The following ADGRL4 variants were observed in gnomAD, a reference collection of about 807,000 sequenced individuals.
ADGRL4 encodes EGF, latrophilin and seven transmembrane domain containing 1.
A neutral mutation model predicts 74.8 loss-of-function variants in ADGRL4; 90 were observed. The ratio of observed to expected loss-of-function variants is 1.20; its 90% CI spans 1.02 to 1.43. ADGRL4 has a LOEUF of 1.43. Among genes scored for constraint, ADGRL4 ranks in the 40% most tolerant of loss-of-function variants. ADGRL4 has a pLI of 0.00. For missense variants in ADGRL4, 881 were observed against 814.3 expected, an observed-to-expected ratio of 1.08 and a Z score of -1.00; for synonymous variants, 311 against 279.2, an observed-to-expected ratio of 1.11 and a Z score of -1.14.
At chr1:78,963,076 T>C (rs959197520) in intron 2 of ADGRL4, among the ~76,000 whole-genome samples, 1 of 152,212 alleles carries the variant, frequency 6.6e-6, no homozygotes, top group African/African-American at 2.4e-5. Context: ...CTGATATTTG[T>C]ATTTTCAGAA....
chr1:78,973,107 T>G (rs1295463239), intron 2 of ADGRL4, among the ~76,000 whole-genome samples: 4 of 152,176 alleles, frequency 2.6e-5, no homozygotes, highest in Non-Finnish European at 5.9e-5. Flanking sequence ...TTTAGTCTTT[T>G]TTCCTTAGGA....
At chr1:78,895,561 C>A (rs1648378457) in intron 12 of ADGRL4, among the ~76,000 whole-genome samples, 1 of 152,002 alleles carries the variant, frequency 6.6e-6, no homozygotes, top group Non-Finnish European at 1.5e-5. Flanking sequence ...AGCATTTAAA[C>A]CTGGATTTAA....
intron 2 of ADGRL4, 129 bp downstream of exon 2, chr1:79,004,941 G>A (rs1022422572): frequency 1.3e-5 from 9 of 702,816 alleles, no homozygotes; most frequent in Middle Eastern, 4.4e-4. Flanking sequence ...AGCTACTTAC[G>A]CGTTTTTTAA....
At chr1:78,915,444 A>G (rs2100666595) in intron 12 of ADGRL4, among the ~76,000 whole-genome samples, 1 of 152,018 alleles carries the variant, frequency 6.6e-6, no homozygotes, top group Non-Finnish European at 1.5e-5. Context: ...TGCTCTGCAA[A>G]CTTTTTTGAG....
chr1:78,950,922 G>A (rs897510329), intron 2 of ADGRL4, among the ~76,000 whole-genome samples: 6 of 152,106 alleles, frequency 3.9e-5, no homozygotes, highest in Non-Finnish European at 8.8e-5. Flanking sequence ...GACATAAAAT[G>A]TTGATGTGCC....
In ADGRL4 at chr1:78,920,280, A is replaced by T. The variant is rs750945729; in HGVS notation, c.1364T>A (p.Ile455Asn). The change falls in exon 10 of 15, where the codon ATT becomes AAT. Residue 455 changes from isoleucine (I) to asparagine (N), a missense_variant. Coordinates refer to ENST00000370742, the MANE Select transcript of ADGRL4 (RefSeq NM_022159.4). ...GTGAATTGTTGTCCTGGTGCTTTGA[A>T]TTTCACTGAAGAACCAGAAGGTAAA... Reference protein sequence around the residue: ...CIFTFWFFSEIQSTRTTIHKN... With the variant: ...CIFTFWFFSENQSTRTTIHKN... 16 of 1,612,124 alleles carry T rather than the reference A, an allele frequency of 9.9e-6. No homozygotes were observed. Among genetic ancestry groups the T allele is most frequent in the Admixed American group, 6.7e-5 (4 of 59,844 alleles).
intron 12 of ADGRL4, among the ~76,000 whole-genome samples, chr1:78,906,008 G>A (rs1370970685): frequency 6.6e-6 from 1 of 151,920 alleles, no homozygotes; most frequent in East Asian, 1.9e-4. Flanking sequence ...ATAACTCTGA[G>A]TAGGGAAAAA....
intron 2 of ADGRL4, among the ~76,000 whole-genome samples, chr1:78,980,173 C>T (rs1375773240): frequency 1.3e-5 from 2 of 151,388 alleles, no homozygotes; most frequent in Non-Finnish European, 2.9e-5. Context: ...TGTGCACACA[C>T]ACACAGACAC....
rs530914829 is a variant in ADGRL4, at chr1:78,941,611, A to G, written c.326-2353T>C. On this transcript the variant is annotated intron_variant, in intron 3 of 14. Transcript: ENST00000370742. ...TCTTAGAAACTTTATTCCAAACCCAATCTCTGAGAAACACAAAAATCTTGG... is the reference window on the plus strand; with the variant it reads ...TCTTAGAAACTTTATTCCAAACCCAGTCTCTGAGAAACACAAAAATCTTGG... 6.6e-5 allele frequency among the ~76,000 whole-genome samples: 10 copies of G among 151,722 alleles called. No individual in the cohort carries two copies. The East Asian group carries it at 7.8e-4, about 12-fold the overall frequency.
Position 78,893,113 on chromosome 1 carries a change from C to G in ADGRL4, c.1826G>C (p.Cys609Ser). ...ACGCATTTACCTTATGTTCTCAAAG[C>G]AACTAACTTCTGGTTTCAACCCTGC... ...HTAGLKPEVS[C>S]FENIRSCARG... The change falls in exon 13 of 15, where the codon TGC (cysteine) becomes TCC (serine). Residue 609 changes from cysteine (C) to serine (S), a missense_variant. By Grantham distance (112) the Cys-to-Ser change is moderately radical. Coordinates refer to ENST00000370742, the MANE Select transcript of ADGRL4 (RefSeq NM_022159.4). 6.4e-7 allele frequency: 1 copy of G among 1,573,024 alleles called. No individual in the cohort carries two copies. The highest frequency in any genetic ancestry group is 8.6e-7 in the Non-Finnish European group (1 of 1,160,790).
chr1:78,974,836 T>C (rs1200922265), intron 2 of ADGRL4, among the ~76,000 whole-genome samples: 2 of 152,172 alleles, frequency 1.3e-5, no homozygotes, highest in Non-Finnish European at 2.9e-5. Flanking sequence ...TTGTTTTACA[T>C]TGGGCCCATT....
chr1:78,953,291 T>C (rs1352529714), intron 2 of ADGRL4, among the ~76,000 whole-genome samples: 1 of 152,184 alleles, frequency 6.6e-6, no homozygotes, highest in Non-Finnish European at 1.5e-5. Context: ...GGGACTTACA[T>C]GATGGCTATG....
At chr1:78,892,790 A>G (rs1648311273) in intron 13 of ADGRL4, among the ~76,000 whole-genome samples, 1 of 152,052 alleles carries the variant, frequency 6.6e-6, no homozygotes, top group Non-Finnish European at 1.5e-5. Context: ...AGAAAGAAAC[A>G]GTTACTAAGT....
At chr1:78,941,564 T>TC (rs1649482730) in intron 3 of ADGRL4, among the ~76,000 whole-genome samples, 1 of 122,008 alleles carries the variant, frequency 8.2e-6, no homozygotes, top group African/African-American at 3.2e-5. Flanking sequence ...AATCCCCCCT[T>TC]TTTTTTTTAA....
Position 78,917,631 on chromosome 1 carries a change from T to A in ADGRL4, c.1749+3A>T. On this transcript the variant is annotated splice_donor_region_variant and intron_variant, in intron 12 of 14. Transcript: ENST00000370742. ...TTGTAATAACAATTTTATATATACA[T>A]ACAAGAATGATTAGGCATGCTGGTC... 6.3e-7 allele frequency: 1 copy of A among 1,584,730 alleles called. No homozygotes were observed. Among genetic ancestry groups the A allele is most frequent in the African/African-American group, 1.4e-5 (1 of 73,620 alleles).
intron 1 of ADGRL4, 122 bp from the exon 2 acceptor site, chr1:79,005,341 A>AC: frequency 2.4e-6 from 2 of 850,770 alleles, no homozygotes; most frequent in Non-Finnish European, 3.3e-6. Flanking sequence ...TGGATTATAA[A>AC]TTTTTCCCAA....
chr1:78,970,538 G>A (rs896766910), intron 2 of ADGRL4, among the ~76,000 whole-genome samples: 2 of 152,128 alleles, frequency 1.3e-5, no homozygotes, highest in Non-Finnish European at 2.9e-5. Context: ...AGGTCACCAG[G>A]ACTCAGGAAT....
chr1:78,910,354 A>G (rs1187182235), intron 12 of ADGRL4, among the ~76,000 whole-genome samples: 2 of 151,996 alleles, frequency 1.3e-5, no homozygotes, highest in East Asian at 3.9e-4. Context: ...ATTAGAGGTT[A>G]CAACAAAAAG....
intron 2 of ADGRL4, among the ~76,000 whole-genome samples, chr1:78,952,345 T>TTC (rs1553137100): frequency 6.7e-6 from 1 of 148,840 alleles, no homozygotes; most frequent in African/African-American, 2.5e-5. Context: ...TTTTTTTTTT[T>TTC]CCTCTTTTTC....
Sources: gnomAD v4.1 joint callset for allele counts (sites outside exome capture counted in the v4.1 genomes callset) on GRCh38, gnomAD v4.1.1 for gene constraint, MANE v1.5 for transcripts, NCBI Gene and HGNC (gene_info 2026-07-23, HGNC 2026-07-21) for gene names.